LDHB: variants seen among roughly 807,000 people sequenced by gnomAD.
LDHB encodes the protein lactate dehydrogenase B, also known as L-lactate dehydrogenase B chain.
In LDHB, 18 loss-of-function variants were observed where a neutral mutation model predicts 33.4. The observed-to-expected ratio is 0.54, with a 90% CI of 0.37 to 0.80. LDHB has a LOEUF of 0.80. Ranked by LOEUF, LDHB falls within the 30% of genes least tolerant of loss-of-function variation. The pLI is 0.00. For synonymous variants in LDHB, 121 were observed against 140.6 expected (o/e 0.86, Z 0.98); for missense variants, 345 against 407.9 (o/e 0.85, Z 1.33).
chr12:21,640,923 G>C (rs1251398323), intron 5 of LDHB, among the ~76,000 whole-genome samples: 1 of 151,838 alleles, frequency 6.6e-6, no homozygotes. Flanking sequence ...TTTTGGGCAT[G>C]AGATAAAAAT....
rs1341544702 is a variant in LDHB at position 21,635,629 on chromosome 12, G to A, written c.918C>T (p.Asn306=). The A allele has an allele frequency of 1.9e-6, 3 of 1,613,410 alleles. No homozygotes were observed. Among genetic ancestry groups the A allele is most frequent in the South Asian group, 1.1e-5 (1 of 91,072 alleles). ...CAACCTCATCATCCTTTAGCTTCTGGTTGATAACGCTGGTTAATCCCCGGG... is the reference window on the plus strand; with the variant it reads ...CAACCTCATCATCCTTTAGCTTCTGATTGATAACGCTGGTTAATCCCCGGG... The part of the protein sequence containing the change: ...LNARGLTSVI[N]QKLKDDEVAQ... The change falls in exon 8 of 8, where the codon AAC becomes AAT. Residue 306 remains asparagine, a synonymous_variant. Coordinates refer to ENST00000350669, the MANE Select transcript of LDHB (RefSeq NM_002300.8).
chr12:21,647,292 A>T (rs572861005), intron 2 of LDHB, among the ~76,000 whole-genome samples: 9 of 152,328 alleles, frequency 5.9e-5, no homozygotes, highest in African/African-American at 2.2e-4. Flanking sequence ...GGGAATGGTG[A>T]AAACAAAAAT....
Position 21,646,887 on chromosome 12 carries a change from A to C in LDHB, c.247+12T>G. 2 of 1,466,946 alleles carry C rather than the reference A, an allele frequency of 1.4e-6. No individual in the cohort carries two copies. Among genetic ancestry groups the C allele is most frequent in the South Asian group, 2.3e-5 (2 of 88,250 alleles). 90.9% of individuals were successfully genotyped at this position (1,466,946 alleles called of 1,614,324 possible). ...AAAATATTAGATCACTTTGGGCATT[A>C]AGTGAAATTACCTTTATCTGCCACA... On this transcript the variant is annotated intron_variant, in intron 3 of 7. Transcript: ENST00000350669.
At chr12:21,655,657 G>A (rs1256466537) in intron 1 of LDHB, among the ~76,000 whole-genome samples, 33 of 152,180 alleles carry the variant, frequency 2.2e-4, no homozygotes, top group Admixed American at 2.1e-3. Context: ...TCGTTTCAGG[G>A]GATCACATTA....
In LDHB at chr12:21,654,600, G is replaced by C. The variant is rs1023739031; in HGVS notation, c.72C>G (p.Ile24Met). Residue 24 changes from isoleucine to methionine, a missense_variant, in exon 2 of 8, where the codon ATC (isoleucine) becomes ATG (methionine). Ile to Met is a conservative substitution (Grantham distance 10). Transcript: ENST00000350669. ...CAACTTGTCCAACACCCACTACAGT[G>C]ATCTTATTGTTTGGAACTGTTGCCT... The part of the protein sequence containing the change: ...EEEATVPNNK[I>M]TVVGVGQVGM... 6.2e-7 allele frequency: 1 copy of C among 1,613,912 alleles called. No individual in the cohort carries two copies. Among genetic ancestry groups the C allele is most frequent in the African/African-American group, 1.3e-5 (1 of 75,030 alleles).
chr12:21,645,517 C>T (rs1271989981), intron 3 of LDHB, among the ~76,000 whole-genome samples: 1 of 152,208 alleles, frequency 6.6e-6, no homozygotes, highest in Non-Finnish European at 1.5e-5. Flanking sequence ...TATATTCCAT[C>T]TACTGAGATA....
Position 21,641,945 on chromosome 12 carries a change from TC to T in LDHB, c.595+6del, listed in dbSNP as rs1938381345. 6.2e-7 allele frequency: 1 copy of T among 1,605,014 alleles called. No homozygotes were observed. ...CACAAGTAATTATTTCTTTTTTTTT[TC>T]TTTACCACTTGAGTCGCCATGTTCC... On this transcript the variant is annotated splice_donor_region_variant and intron_variant, in intron 5 of 7. Coordinates refer to ENST00000350669, the MANE Select transcript of LDHB (RefSeq NM_002300.8).
In LDHB at chr12:21,635,376, C is replaced by G. The variant is rs1938187934; in HGVS notation, c.*166G>C. Reference sequence around the variant, plus strand: ...ATAGTTAATTTTATTTGTTCAAGAGCTCAGATTGCAAGCATTAAACCAAGC... The same window carrying G: ...ATAGTTAATTTTATTTGTTCAAGAGGTCAGATTGCAAGCATTAAACCAAGC... On this transcript the variant is annotated 3_prime_UTR_variant, in exon 8 of 8. Transcript: ENST00000350669. 1.5e-6 allele frequency: 1 copy of G among 655,752 alleles called. No individual in the cohort carries two copies. Among genetic ancestry groups the G allele is most frequent in the African/African-American group, 1.8e-5 (1 of 55,002 alleles). The allele number at this position is 655,752 out of a possible 1,614,324, so 40.6% of individuals were successfully genotyped here.
At chr12:21,654,739 TC>T in intron 1 of LDHB, 62 bp from the exon 2 acceptor site, 1 of 1,405,556 alleles carries the variant, frequency 7.1e-7, no homozygotes, top group South Asian at 1.2e-5. Flanking sequence ...ATAGAAATCA[TC>T]CTTAAAATGT....
chr12:21,644,434 A>ACAAC (rs1555165034), intron 3 of LDHB, among the ~76,000 whole-genome samples: 6 of 104,512 alleles, frequency 5.7e-5, no homozygotes, highest in South Asian at 3.3e-4. Flanking sequence ...CAAAAAAAAA[A>ACAAC]AAAAAAAAAA....
At chr12:21,650,105 T>TACACAC (rs765877721) in intron 2 of LDHB, among the ~76,000 whole-genome samples, 573 of 30,982 alleles carry the variant, frequency 0.018, 9 homozygotes, top group African/African-American at 0.041. Flanking sequence ...AGAAAAAAAA[T>TACACAC]ACACACACAC....
chr12:21,636,969 A>G (rs1264931866), intron 7 of LDHB, 102 bp downstream of exon 7: 3 of 1,018,462 alleles, frequency 2.9e-6, no homozygotes, highest in African/African-American at 3.1e-5. Flanking sequence ...GACAGAAATA[A>G]CCTTGAACTA....
intron 5 of LDHB, chr12:21,638,679 C>T (rs1938283758): frequency 1.8e-6 from 1 of 548,750 alleles, no homozygotes; most frequent in African/African-American, 1.9e-5. Flanking sequence ...GACCTTTTAA[C>T]TTTCAAGAAT....
At chr12:21,654,703 C>T (rs1252203466) in intron 1 of LDHB, 26 bp from the exon 2 acceptor site, 1 of 1,588,028 alleles carries the variant, frequency 6.3e-7, no homozygotes, top group Non-Finnish European at 8.6e-7. Context: ...CAAAACATTA[C>T]ACGTATATCT....
intron 2 of LDHB, among the ~76,000 whole-genome samples, chr12:21,653,296 A>G (rs1938745475): frequency 6.6e-6 from 1 of 152,180 alleles, no homozygotes; most frequent in Non-Finnish European, 1.5e-5. Context: ...AATATGTCCT[A>G]TTCTTAGGAA....
chr12:21,655,938 C>A (rs904041639), intron 1 of LDHB, among the ~76,000 whole-genome samples: 1 of 152,192 alleles, frequency 6.6e-6, no homozygotes, highest in Non-Finnish European at 1.5e-5. Context: ...ATACAGATGG[C>A]AAATAAGCCT....
chr12:21,654,509 C>T (rs751351202), intron 2 of LDHB, 34 bp downstream of exon 2: 1 of 1,608,812 alleles, frequency 6.2e-7, no homozygotes, highest in Admixed American at 1.7e-5. Flanking sequence ...ACATGCTGAA[C>T]TTCTCTATCA....
At chr12:21,653,956 C>CA (rs1452944992) in intron 2 of LDHB, among the ~76,000 whole-genome samples, 1 of 152,090 alleles carries the variant, frequency 6.6e-6, no homozygotes, top group Non-Finnish European at 1.5e-5. Context: ...TTAAGTTCAG[C>CA]AGTAATGAGA....
At chr12:21,644,169 A>G (rs960291442) in intron 3 of LDHB, 61 bp from the exon 4 acceptor site, 20 of 1,212,274 alleles carry the variant, frequency 1.6e-5, no homozygotes, top group Non-Finnish European at 2.4e-5. Context: ...AACATAACCT[A>G]TATGACATGC....
Sources: allele counts gnomAD v4.1 joint callset (sites outside exome capture counted in the v4.1 genomes callset), GRCh38; gene constraint gnomAD v4.1.1; transcripts MANE v1.5; gene names NCBI Gene and HGNC (gene_info 2026-07-23, HGNC 2026-07-21).